MRPS23: variants seen among roughly 807,000 people sequenced by gnomAD.
The protein encoded by MRPS23 is mitochondrial ribosomal protein S23.
A neutral mutation model predicts 19.8 loss-of-function variants in MRPS23; 14 were observed. The ratio of observed to expected loss-of-function variants is 0.71; its 90% CI spans 0.47 to 1.11. The LOEUF is 1.11. Among genes scored for constraint, MRPS23 ranks in the 50% least tolerant of loss-of-function variants. The pLI is 0.00. For synonymous variants in MRPS23, 113 were observed against 89.7 expected, an observed-to-expected ratio of 1.26 and a Z score of -1.47; for missense variants, 242 against 236.7, an observed-to-expected ratio of 1.02 and a Z score of -0.15.
At chr17:57,842,080 T>C (rs979336045) in intron 2 of MRPS23, among the ~76,000 whole-genome samples, 2 of 152,168 alleles carry the variant, frequency 1.3e-5, no homozygotes, top group African/African-American at 4.8e-5. Flanking sequence ...GCTGTGATCA[T>C]AGCTCACTGC....
At chr17:57,842,931 C>CAG in intron 2 of MRPS23, among the ~76,000 whole-genome samples, 1 of 145,338 alleles carries the variant, frequency 6.9e-6, no homozygotes, top group African/African-American at 2.6e-5. Context: ...CACACACACA[C>CAG]ACACGAGGCA....
chr17:57,838,374 C>T lies in MRPS23; in HGVS notation c.*1409G>A, dbSNP rs750431471. On this transcript the variant is annotated 3_prime_UTR_variant, in exon 5 of 5. Coordinates refer to ENST00000313608, the MANE Select transcript of MRPS23 (RefSeq NM_016070.4). The stretch of plus-strand genomic sequence containing the variant: ...AAATAGCAAAAATGGGACATCAATC[C>T]AGACATGAAGGAAAAAAACATTTTT... 3 of 146,874 alleles carry T rather than the reference C, an allele frequency of 2.0e-5. No individual in the cohort carries two copies. The highest frequency in any genetic ancestry group is 4.5e-5 in the Non-Finnish European group (3 of 66,674). 9.1% of individuals were successfully genotyped at this position (146,874 alleles called of 1,614,324 possible). A position where few individuals can be genotyped will look rare whatever the true frequency, so the allele number is the denominator to read the frequency against.
At chr17:57,844,407 A>AT (rs1283125858) in intron 2 of MRPS23, among the ~76,000 whole-genome samples, 1 of 151,568 alleles carries the variant, frequency 6.6e-6, no homozygotes, top group South Asian at 2.1e-4. Context: ...AATAGAAATA[A>AT]TTTTTATATA....
intron 2 of MRPS23, among the ~76,000 whole-genome samples, chr17:57,841,764 G>A (rs1196655439): frequency 2.7e-5 from 4 of 150,570 alleles, no homozygotes; most frequent in Non-Finnish European, 5.9e-5. Context: ...AGTTCAGCAT[G>A]GTGAAACCCC....
intron 3 of MRPS23, 62 bp from the exon 4 acceptor site, chr17:57,841,114 C>T (rs2073737511): frequency 1.9e-6 from 3 of 1,610,804 alleles, no homozygotes; most frequent in Non-Finnish European, 2.5e-6. Flanking sequence ...CGCTGTTACA[C>T]AATATCAAAT....
intron 2 of MRPS23, among the ~76,000 whole-genome samples, chr17:57,847,062 C>CT (rs2073780993): frequency 6.6e-6 from 1 of 150,932 alleles, no homozygotes; most frequent in East Asian, 2.0e-4. Flanking sequence ...CTTTGGGAGG[C>CT]AAGGCGGGCG....
Position 57,835,192 on chromosome 17 carries a change from T to G in MRPS23, c.*4591A>C, listed in dbSNP as rs1489905519. On this transcript the variant is annotated 3_prime_UTR_variant, in exon 5 of 5. Transcript: ENST00000313608. The stretch of plus-strand genomic sequence containing the variant: ...TCATTTCTTCTCCTGGCTCCAAATC[T>G]TGCCCCTGTAGACACCTATCCCTTA... 1 of 152,286 alleles carries G rather than the reference T, an allele frequency of 6.6e-6. No homozygotes were observed. The highest frequency in any genetic ancestry group is 2.4e-5 in the African/African-American group (1 of 41,438). The allele number at this position is 152,286 out of a possible 1,614,324, so 9.4% of individuals were successfully genotyped here.
At chr17:57,843,147 A>G (rs930010114) in intron 2 of MRPS23, among the ~76,000 whole-genome samples, 1 of 151,828 alleles carries the variant, frequency 6.6e-6, no homozygotes, top group Non-Finnish European at 1.5e-5. Context: ...ATGGTGGCAT[A>G]CACCTGTAGT....
intron 2 of MRPS23, among the ~76,000 whole-genome samples, chr17:57,847,071 C>T (rs932103546): frequency 2.7e-5 from 4 of 150,338 alleles, no homozygotes; most frequent in African/African-American, 7.3e-5. Context: ...GCAAGGCGGG[C>T]GGATCACGAG....
chr17:57,849,738 A>T (rs2073799760), intron 1 of MRPS23: 1 of 609,374 alleles, frequency 1.6e-6, no homozygotes, highest in Non-Finnish European at 2.8e-6. Flanking sequence ...CCACTCGGGG[A>T]GAGGCAGCTG....
At chr17:57,846,101 A>G in intron 2 of MRPS23, among the ~76,000 whole-genome samples, 1 of 149,068 alleles carries the variant, frequency 6.7e-6, no homozygotes, top group African/African-American at 2.5e-5. Context: ...TTTTTGTATG[A>G]AAAAAATAAG....
In MRPS23 at chr17:57,837,116, A is replaced by G. The variant is rs1159698542; in HGVS notation, c.*2667T>C. ...CAAAGTAAGCTTCATATCTTTCACTATGTTTTGATCACTAAGACTTAACCT... is the reference window on the plus strand; with the variant it reads ...CAAAGTAAGCTTCATATCTTTCACTGTGTTTTGATCACTAAGACTTAACCT... On this transcript the variant is annotated 3_prime_UTR_variant, in exon 5 of 5. Coordinates refer to ENST00000313608, the MANE Select transcript of MRPS23 (RefSeq NM_016070.4). 2.0e-5 allele frequency: 3 copies of G among 152,230 alleles called. No homozygotes were observed. Among genetic ancestry groups the G allele is most frequent in the Non-Finnish European group, 2.9e-5 (2 of 68,050 alleles). The allele number at this position is 152,230 out of a possible 1,614,324, so 9.4% of individuals were successfully genotyped here.
chr17:57,846,190 C>G (rs541319378), intron 2 of MRPS23, among the ~76,000 whole-genome samples: 3 of 150,664 alleles, frequency 2.0e-5, no homozygotes, highest in African/African-American at 7.3e-5. Flanking sequence ...CCAGCCGCCC[C>G]GTCCGGGAGG....
chr17:57,840,898 G>T, intron 4 of MRPS23, 28 bp downstream of exon 4: 1 of 1,612,632 alleles, frequency 6.2e-7, no homozygotes, highest in Non-Finnish European at 8.5e-7. Flanking sequence ...TATAAACCCA[G>T]TAACAATTTT....
chr17:57,844,742 C>T (rs1473470196), intron 2 of MRPS23, among the ~76,000 whole-genome samples: 5 of 143,542 alleles, frequency 3.5e-5, no homozygotes, highest in African/African-American at 1.3e-4. Flanking sequence ...TGCACTCCAG[C>T]CTGGGAGAGA....
chr17:57,839,682 A>C lies in MRPS23; in HGVS notation c.*101T>G. ...TAAGAGAAGGCAAACATAATACCTT[A>C]GAGATCAAGAAACATTTACACAGTT... On this transcript the variant is annotated 3_prime_UTR_variant, in exon 5 of 5. Coordinates refer to ENST00000313608, the MANE Select transcript of MRPS23 (RefSeq NM_016070.4). The C allele has an allele frequency of 1.1e-5, 16 of 1,404,742 alleles. No homozygotes were observed. Among genetic ancestry groups the C allele is most frequent in the South Asian group, 1.5e-5 (1 of 65,658 alleles). The allele number at this position is 1,404,742 out of a possible 1,614,324, so 87.0% of individuals were successfully genotyped here.
At position 57,839,738 on chromosome 17, in the gene MRPS23, C is replaced by T. The variant is rs1359523647; in HGVS notation, c.*45G>A. ...GTTTAAAAATAGCTCAACATTCAGC[C>T]AGTGAGTAGAGTGTGAATGCCAGCA... On this transcript the variant is annotated 3_prime_UTR_variant, in exon 5 of 5. Transcript: ENST00000313608. 6.5e-7 allele frequency: 1 copy of T among 1,544,558 alleles called. No individual in the cohort carries two copies. The highest frequency in any genetic ancestry group is 8.9e-7 in the Non-Finnish European group (1 of 1,126,608).
chr17:57,842,891 T>TACACACACAC (rs35501487), intron 2 of MRPS23, among the ~76,000 whole-genome samples: 28 of 76,600 alleles, frequency 3.7e-4, no homozygotes, highest in African/African-American at 8.5e-4. Context: ...TATATATATA[T>TACACACACAC]ACACACACAC....
rs559216643 is a variant in MRPS23 at position 57,835,980 on chromosome 17, G to C, written c.*3803C>G. The C allele has an allele frequency of 1.5e-5, 2 of 137,840 alleles. No individual in the cohort carries two copies. Among genetic ancestry groups the C allele is most frequent in the South Asian group, 4.6e-4 (2 of 4,388 alleles). The allele number at this position is 137,840 out of a possible 1,614,324, so 8.5% of individuals were successfully genotyped here. A position where few individuals can be genotyped will look rare whatever the true frequency, so the allele number is the denominator to read the frequency against. On this transcript the variant is annotated 3_prime_UTR_variant, in exon 5 of 5. Coordinates refer to ENST00000313608, the MANE Select transcript of MRPS23 (RefSeq NM_016070.4). ...TTTTTTTTTTTTTTTTTGAGACAGTGTCTCTCTTCTGTCGCCCAGGCTGGG... is the reference window on the plus strand; with the variant it reads ...TTTTTTTTTTTTTTTTTGAGACAGTCTCTCTCTTCTGTCGCCCAGGCTGGG...
Sources: gnomAD v4.1 joint callset for allele counts (sites outside exome capture counted in the v4.1 genomes callset) on GRCh38, gnomAD v4.1.1 for gene constraint, MANE v1.5 for transcripts, NCBI Gene and HGNC (gene_info 2026-07-23, HGNC 2026-07-21) for gene names.